ZNF438: variants seen among roughly 807,000 people sequenced by gnomAD.
ZNF438 encodes zinc finger protein 438.
In ZNF438, 25 loss-of-function variants were observed where a neutral mutation model predicts 38.0. The ratio of observed to expected loss-of-function variants is 0.66; its 90% CI spans 0.48 to 0.92. The LOEUF (loss-of-function observed/expected upper bound fraction) is 0.92. ZNF438 is among the 40% of genes least tolerant of loss of function. The pLI is 0.00. For synonymous variants in ZNF438, 372 were observed against 364.1 expected, an observed-to-expected ratio of 1.02 and a Z score of -0.25; for missense variants, 1,007 against 999.6, an observed-to-expected ratio of 1.01 and a Z score of -0.10.
At chr10:31,030,043 T>C (rs1345626768) in intron 1 of ZNF438, among the ~76,000 whole-genome samples, 2 of 152,252 alleles carry the variant, frequency 1.3e-5, no homozygotes, top group African/African-American at 2.4e-5. Context: ...AGGGAGATAC[T>C]AGGTTACATC....
Position 30,873,911 on chromosome 10 carries a change from G to A in ZNF438, c.37+3087C>T, listed in dbSNP as rs574636440. On this transcript the variant is annotated intron_variant, in intron 4 of 5. Coordinates refer to ENST00000413025, the Ensembl canonical transcript of ZNF438. ...TTTTATACAGAAATGCATATAATAC[G>A]TGTGTATGTGTTTATAAGTTGGAAA... Among the ~76,000 whole-genome samples, 13 of 152,016 alleles carry A rather than the reference G, an allele frequency of 8.6e-5. No homozygotes were observed. The South Asian group carries it at 1.7e-3, about 19-fold the overall frequency.
intron 4 of ZNF438, among the ~76,000 whole-genome samples, chr10:30,854,901 G>A (rs528394950): frequency 2.6e-5 from 4 of 152,292 alleles, no homozygotes; most frequent in African/African-American, 4.8e-5. Flanking sequence ...AAAAGATGCA[G>A]CTGAAGCAAC....
chr10:30,885,455 C>G lies in ZNF438; in HGVS notation c.-31-8390G>C, dbSNP rs1182140760. On this transcript the variant is annotated intron_variant, in intron 3 of 5. Transcript: ENST00000413025. ...ATTCTACACTGTAGCTCTTTTGCAA[C>G]AAATGCTACTATGTGCTAGACCTAC... Among the ~76,000 whole-genome samples, 3 of 152,212 alleles carry G rather than the reference C, an allele frequency of 2.0e-5. No individual in the cohort carries two copies. The East Asian group carries it at 5.8e-4, about 29-fold the overall frequency.
intron 3 of ZNF438, among the ~76,000 whole-genome samples, chr10:30,881,248 C>CA (rs1191881792): frequency 6.6e-6 from 1 of 151,800 alleles, no homozygotes; most frequent in Non-Finnish European, 1.5e-5. Context: ...ATAGAATCTA[C>CA]AAAAAAAGCT....
At chr10:31,002,311 T>G (rs1318600319) in intron 1 of ZNF438, among the ~76,000 whole-genome samples, 1 of 152,246 alleles carries the variant, frequency 6.6e-6, no homozygotes, top group Admixed American at 6.5e-5. Context: ...TATTAAAACT[T>G]CTTCATTAAG....
rs570631427 is a variant in ZNF438, at chr10:30,887,749, C to A, written c.-31-10684G>T. Among the ~76,000 whole-genome samples, 20 of 152,232 alleles carry A rather than the reference C, an allele frequency of 1.3e-4. No individual in the cohort carries two copies. The East Asian group carries it at 2.1e-3, about 16-fold the overall frequency. On this transcript the variant is annotated intron_variant, in intron 3 of 5. Transcript: ENST00000413025. ...TTTACCATACCTGACTAAAACAAAC[C>A]CAAGTACATTTTAAAACAATCACCC...
Position 30,954,874 on chromosome 10 carries a change from T to C in ZNF438, c.-191-13223A>G, listed in dbSNP as rs59730989. Among the ~76,000 whole-genome samples the C allele has an allele frequency of 5.8e-3, 887 of 152,182 alleles. 9 individuals carry two copies. Among genetic ancestry groups the C allele is most frequent in the African/African-American group, 0.021 (855 of 41,532 alleles). ...CAGAAAGGCTGAAAAGGCTACTCAG[T>C]TGCAAAAAATGACCATTTCTTACAG... On this transcript the variant is annotated intron_variant, in intron 1 of 5. Transcript: ENST00000413025.
chr10:30,949,245 AG>A (rs1330714934), intron 1 of ZNF438, among the ~76,000 whole-genome samples: 1 of 151,998 alleles, frequency 6.6e-6, no homozygotes, highest in Non-Finnish European at 1.5e-5. Flanking sequence ...GAGCTCCTGA[AG>A]GAAGCGCTAA....
At position 30,872,844 on chromosome 10, in the gene ZNF438, C is replaced by T. The variant is rs569583280; in HGVS notation, c.37+4154G>A. ...CCTGACCAATGAACAATGAGACTTGCATTAACCAACTGTGTAGGAACTTAA... is the reference window on the plus strand; with the variant it reads ...CCTGACCAATGAACAATGAGACTTGTATTAACCAACTGTGTAGGAACTTAA... On this transcript the variant is annotated intron_variant, in intron 4 of 5. Transcript: ENST00000413025. 4.7e-4 allele frequency among the ~76,000 whole-genome samples: 72 copies of T among 151,942 alleles called. No homozygotes were observed. In the South Asian group the frequency reaches 0.014, roughly 30 times the overall value.
At chr10:30,853,341 C>T (rs2034032587) in intron 4 of ZNF438, among the ~76,000 whole-genome samples, 1 of 152,194 alleles carries the variant, frequency 6.6e-6, no homozygotes, top group South Asian at 2.1e-4. Flanking sequence ...AATGGCTCTT[C>T]ATCTCAGAGT....
rs74785037 is a variant in ZNF438, at chr10:30,970,167, A to C, written c.-191-28516T>G. Among the ~76,000 whole-genome samples the C allele has an allele frequency of 2.2e-3, 337 of 151,844 alleles. 3 individuals carry two copies. The highest frequency in any genetic ancestry group is 7.4e-3 in the African/African-American group (305 of 41,438). ...ACATATACACACACACACATATATTAGGCCTTCAATATTTGTTAAATGTTA... is the reference window on the plus strand; with the variant it reads ...ACATATACACACACACACATATATTCGGCCTTCAATATTTGTTAAATGTTA... On this transcript the variant is annotated intron_variant, in intron 1 of 5. Transcript: ENST00000413025.
rs567936280 is a variant in ZNF438, at chr10:30,885,499, T to A, written c.-31-8434A>T. Among the ~76,000 whole-genome samples the A allele has an allele frequency of 3.3e-5, 5 of 152,328 alleles. No homozygotes were observed. The South Asian group carries it at 1.0e-3, about 32-fold the overall frequency. ...GACCTACCACTAGGTAATTCACAAA[T>A]ACCTCATCCACATATGAGGATCTGC... On this transcript the variant is annotated intron_variant, in intron 3 of 5. Transcript: ENST00000413025.
chr10:30,950,547 A>G (rs1249558738), intron 1 of ZNF438, among the ~76,000 whole-genome samples: 1 of 152,048 alleles, frequency 6.6e-6, no homozygotes, highest in Non-Finnish European at 1.5e-5. Context: ...TAGATGCAAT[A>G]AAAAATGATA....
intron 1 of ZNF438, among the ~76,000 whole-genome samples, chr10:30,975,153 C>T (rs2051198023): frequency 1.3e-5 from 2 of 152,194 alleles, no homozygotes; most frequent in African/African-American, 4.8e-5. Flanking sequence ...CTAGCAACTG[C>T]TACAGAGTTC....
chr10:30,897,046 C>T (rs1163237543), intron 3 of ZNF438, among the ~76,000 whole-genome samples: 1 of 152,058 alleles, frequency 6.6e-6, no homozygotes, highest in African/African-American at 2.4e-5. Context: ...AGAATATTTA[C>T]AAAGTATACA....
At chr10:30,922,605 G>A (rs7075760) in intron 2 of ZNF438, among the ~76,000 whole-genome samples, 64,718 of 151,974 alleles carry the variant, frequency 0.43, 14,174 homozygotes, top group Non-Finnish European at 0.46. Context: ...AGGCTGAGGC[G>A]GGCAGATCAC....
At chr10:30,995,361 A>G (rs1403391374) in intron 1 of ZNF438, among the ~76,000 whole-genome samples, 1 of 152,240 alleles carries the variant, frequency 6.6e-6, no homozygotes, top group Non-Finnish European at 1.5e-5. Context: ...AAATATTCAA[A>G]GTACTAAAGT....
At chr10:30,854,180 C>T (rs1214258494) in intron 4 of ZNF438, among the ~76,000 whole-genome samples, 1 of 151,122 alleles carries the variant, frequency 6.6e-6, no homozygotes, top group Non-Finnish European at 1.5e-5. Context: ...ATTAGCTGGG[C>T]GTGGTGGTGG....
intron 3 of ZNF438, among the ~76,000 whole-genome samples, chr10:30,899,381 G>A (rs1329913238): frequency 6.6e-6 from 1 of 152,162 alleles, no homozygotes; most frequent in African/African-American, 2.4e-5. Flanking sequence ...AATGATTCGT[G>A]TGACAAAATT....
Sources: gnomAD v4.1 joint callset for allele counts (sites outside exome capture counted in the v4.1 genomes callset) on GRCh38, gnomAD v4.1.1 for gene constraint, MANE v1.5 for transcripts, NCBI Gene and HGNC (gene_info 2026-07-23, HGNC 2026-07-21) for gene names.